The following SYNDIG1 variants were observed in gnomAD, a reference collection of about 807,000 sequenced individuals.
SYNDIG1 encodes the protein synapse differentiation inducing 1, also known as synapse differentiation-inducing gene protein 1.
SYNDIG1 carries 9 observed loss-of-function variants against 19.4 expected under a neutral mutation model. The ratio of observed to expected loss-of-function variants is 0.46; its 90% CI spans 0.28 to 0.81. SYNDIG1 has a LOEUF of 0.81. Among genes scored for constraint, SYNDIG1 ranks in the 30% least tolerant of loss-of-function variants. The pLI, the probability that SYNDIG1 is intolerant of heterozygous loss-of-function variation, is 0.12. For missense variants in SYNDIG1, 311 were observed against 343.3 expected (o/e 0.91, Z 0.74); for synonymous variants, 141 against 145.9 (o/e 0.97, Z 0.24).
At chr20:24,572,171 C>T (rs938457112) in intron 2 of SYNDIG1, among the ~76,000 whole-genome samples, 1 of 152,230 alleles carries the variant, frequency 6.6e-6, no homozygotes, top group African/African-American at 2.4e-5. Flanking sequence ...TGGCAATACT[C>T]CTTGTGTCAG....
rs535860337 is a variant in SYNDIG1, at chr20:24,521,561, C to T, written c.-78-21459C>T. On this transcript the variant is annotated intron_variant, in intron 1 of 3. Transcript: ENST00000376862. ...TAATATGAATTTTAAAGGCTATTTT[C>T]ATATGGTTATTCTGCTAGTATAATA... 4.4e-4 allele frequency among the ~76,000 whole-genome samples: 3 copies of T among 6,742 alleles called. No homozygotes were observed. In the Admixed American group the frequency reaches 4.6e-3, roughly 10 times the overall value. 4.4% of individuals were successfully genotyped at this position (6,742 alleles called of 152,430 possible). A position where few individuals can be genotyped will look rare whatever the true frequency, so the allele number is the denominator to read the frequency against.
intron 2 of SYNDIG1, among the ~76,000 whole-genome samples, chr20:24,565,063 A>T (rs928441386): frequency 2.0e-5 from 3 of 152,206 alleles, no homozygotes; most frequent in Non-Finnish European, 2.9e-5. Flanking sequence ...CACCCCCTTG[A>T]TACGGTTCAT....
At chr20:24,662,687 G>A (rs1353574834) in intron 3 of SYNDIG1, among the ~76,000 whole-genome samples, 10 of 152,256 alleles carry the variant, frequency 6.6e-5, no homozygotes, top group Non-Finnish European at 1.3e-4. Flanking sequence ...CAGGCACTGG[G>A]CACTGCTTGG....
chr20:24,507,651 T>C (rs550744889), intron 1 of SYNDIG1, among the ~76,000 whole-genome samples: 140 of 152,194 alleles, frequency 9.2e-4, no homozygotes, highest in Non-Finnish European at 1.6e-3. Flanking sequence ...CTGCTGAAGG[T>C]CTGTGGGTGT....
rs1171127450 is a variant in SYNDIG1, at chr20:24,543,544, T to C, written c.447T>C (p.Asp149=). The C allele has an allele frequency of 2.5e-6, 4 of 1,603,452 alleles. No homozygotes were observed. The highest frequency in any genetic ancestry group is 1.1e-5 in the South Asian group (1 of 91,056). ...TAAAAATCCACACCCTGTCCTACGA[T>C]GTGGAGGAGGAGGAGGAGTTCCAGG... is the stretch of plus-strand genomic sequence containing the variant. ...DDIKIHTLSY[D]VEEEEEFQEL... The change falls in exon 2 of 4, where the codon GAT becomes GAC. Residue 149 remains aspartate (D), a synonymous_variant. Transcript: ENST00000376862.
intron 3 of SYNDIG1, among the ~76,000 whole-genome samples, chr20:24,621,011 T>C (rs2059029762): frequency 6.6e-6 from 1 of 152,188 alleles, no homozygotes; most frequent in Non-Finnish European, 1.5e-5. Flanking sequence ...CATTACCTGA[T>C]GGAGATAAAA....
intron 3 of SYNDIG1, among the ~76,000 whole-genome samples, chr20:24,603,334 A>T (rs1001789639): frequency 2.0e-5 from 3 of 152,058 alleles, no homozygotes; most frequent in African/African-American, 7.2e-5. Flanking sequence ...AGTGTCCCCA[A>T]CCCATGGGGA....
At chr20:24,585,056 G>GGCCC in intron 3 of SYNDIG1, 63 bp downstream of exon 3, 5 of 545,644 alleles carry the variant, frequency 9.2e-6, no homozygotes, top group Non-Finnish European at 1.7e-5. Context: ...GGTGGGGGCG[G>GGCCC]CAATCCCAGC....
At chr20:24,647,312 T>G (rs1207857418) in intron 3 of SYNDIG1, among the ~76,000 whole-genome samples, 1 of 152,180 alleles carries the variant, frequency 6.6e-6, no homozygotes, top group African/African-American at 2.4e-5. Context: ...TCTCAGTGGC[T>G]TGAAACCTGT....
At chr20:24,630,456 G>A (rs536724998) in intron 3 of SYNDIG1, among the ~76,000 whole-genome samples, 1 of 152,310 alleles carries the variant, frequency 6.6e-6, no homozygotes, top group Non-Finnish European at 1.5e-5. Context: ...TGTCCACAAA[G>A]AGAGATACAC....
intron 1 of SYNDIG1, among the ~76,000 whole-genome samples, chr20:24,490,990 G>A (rs2056131215): frequency 6.6e-6 from 1 of 152,236 alleles, no homozygotes; most frequent in Admixed American, 6.5e-5. Flanking sequence ...AGGTGCCATG[G>A]AGTCGTGGCC....
intron 1 of SYNDIG1, among the ~76,000 whole-genome samples, chr20:24,526,018 C>A (rs1303632754): frequency 1.3e-5 from 2 of 152,098 alleles, no homozygotes; most frequent in African/African-American, 4.8e-5. Flanking sequence ...GTTTTGTATT[C>A]ATTACACTGT....
chr20:24,501,801 T>G (rs955936248), intron 1 of SYNDIG1, among the ~76,000 whole-genome samples: 2 of 152,214 alleles, frequency 1.3e-5, no homozygotes, highest in African/African-American at 4.8e-5. Flanking sequence ...TGGTGTCTCA[T>G]CCAGGAGAGT....
chr20:24,601,597 GA>G (rs1478905077), intron 3 of SYNDIG1, among the ~76,000 whole-genome samples: 1 of 152,074 alleles, frequency 6.6e-6, no homozygotes, highest in Non-Finnish European at 1.5e-5. Flanking sequence ...TTTAAAATAT[GA>G]ATTTGGGCCT....
intron 2 of SYNDIG1, among the ~76,000 whole-genome samples, chr20:24,577,720 G>A (rs1435660366): frequency 1.3e-5 from 2 of 152,188 alleles, no homozygotes; most frequent in African/African-American, 4.8e-5. Flanking sequence ...GTCCTCAGTT[G>A]CCCTGGAGCC....
intron 1 of SYNDIG1, among the ~76,000 whole-genome samples, chr20:24,488,341 C>T (rs2056029327): frequency 6.6e-6 from 1 of 152,218 alleles, no homozygotes; most frequent in African/African-American, 2.4e-5. Context: ...CAGACGTTTC[C>T]CATTTGTGCA....
intron 1 of SYNDIG1, among the ~76,000 whole-genome samples, chr20:24,521,234 G>T (rs981274796): frequency 2.0e-5 from 3 of 152,134 alleles, no homozygotes; most frequent in African/African-American, 7.2e-5. Context: ...CGTTTTCATT[G>T]TTCCCACCTT....
intron 3 of SYNDIG1, among the ~76,000 whole-genome samples, chr20:24,598,883 A>G (rs1293229156): frequency 1.3e-5 from 2 of 152,200 alleles, no homozygotes; most frequent in African/African-American, 4.8e-5. Context: ...AAACTATAAA[A>G]CTACTAAAGA....
chr20:24,659,889 T>G (rs891445504), intron 3 of SYNDIG1, among the ~76,000 whole-genome samples: 4 of 152,238 alleles, frequency 2.6e-5, no homozygotes, highest in Non-Finnish European at 5.9e-5. Context: ...ATCTGTTCAT[T>G]TAATTATTGA....
Sources: allele counts gnomAD v4.1 joint callset (sites outside exome capture counted in the v4.1 genomes callset), GRCh38; gene constraint gnomAD v4.1.1; transcripts MANE v1.5; gene names NCBI Gene and HGNC (gene_info 2026-07-23, HGNC 2026-07-21).